RSPH10B2: variants seen among roughly 807,000 people sequenced by gnomAD.
RSPH10B2 encodes radial spoke head 10 homolog B2 (Chlamydomonas).
Under a neutral mutation model 49.0 loss-of-function variants are expected in RSPH10B2, and 9 were observed. The observed-to-expected ratio is 0.18, with a 90% CI of 0.11 to 0.32. The LOEUF (loss-of-function observed/expected upper bound fraction) is 0.32, where lower values mean the gene tolerates loss of function less well. RSPH10B2 is among the 10% of genes least tolerant of loss of function. The probability of loss-of-function intolerance (pLI) is 1.00; values close to 1 mark genes in which losing one functional copy is unlikely to be tolerated. For missense variants in RSPH10B2, 95 were observed against 589.9 expected, an observed-to-expected ratio of 0.16 and a Z score of 8.69; for synonymous variants, 35 against 210.2, an observed-to-expected ratio of 0.17 and a Z score of 7.21.
At chr7:6,776,947 C>T (rs1442017716) in intron 10 of RSPH10B2, among the ~76,000 whole-genome samples, 2 of 132,300 alleles carry the variant, frequency 1.5e-5, no homozygotes, top group Admixed American at 1.6e-4. Context: ...GGTCCCCAAC[C>T]CCCAGGCCAG....
Position 6,776,927 on chromosome 7 carries a change from A to AC in RSPH10B2, c.1414+381_1414+382insC, listed in dbSNP as rs770227917. On this transcript the variant is annotated intron_variant, in intron 10 of 18. Transcript: ENST00000297186. ...CACACACACACACACACACACACAC[A>AC]AAAGGCAGGGGTCCCCAACCCCCAG... Among the ~76,000 whole-genome samples, 273 of 128,696 alleles carry AC rather than the reference A, an allele frequency of 2.1e-3. 2 individuals are homozygous for AC. Among genetic ancestry groups the AC allele is most frequent in the Admixed American group, 4.3e-3 (53 of 12,396 alleles). 84.4% of individuals were successfully genotyped at this position (128,696 alleles called of 152,430 possible).
At chr7:6,786,178 CTTTT>C in intron 14 of RSPH10B2, 122 bp downstream of exon 16, 979 of 140,624 alleles carry the variant, frequency 7.0e-3, no homozygotes, top group East Asian at 0.015. Flanking sequence ...TTCACTGATG[CTTTT>C]TTTTTTTTTT....
chr7:6,785,467 C>T (rs1424494866), intron 13 of RSPH10B2, among the ~76,000 whole-genome samples: 1 of 152,262 alleles, frequency 6.6e-6, no homozygotes, highest in African/African-American at 2.4e-5. Context: ...TGTGAGCCAC[C>T]ATGTCTGGCC....
At chr7:6,757,827 G>T in exon 1 of RSPH10B2, 1 of 1,594,722 alleles carries the variant, frequency 6.3e-7, no homozygotes, top group Non-Finnish European at 8.5e-7. Flanking sequence ...TGCTGGGAAT[G>T]CAGCTCAACG....
rs1339379754 is a variant in RSPH10B2 at position 6,792,945 on chromosome 7, T to C, written c.2233+948T>C. ...CCATCACTGCACCTTGTATTTTTAG[T>C]AGATGGGGTTTCATGATGTTGGCCA... On this transcript the variant is annotated intron_variant, in intron 17 of 18. Transcript: ENST00000297186. Among the ~76,000 whole-genome samples, 2 of 113,880 alleles carry C rather than the reference T, an allele frequency of 1.8e-5. 1 individual carries two copies. The highest frequency in any genetic ancestry group is 7.1e-4 in the East Asian group (2 of 2,802). The allele number at this position is 113,880 out of a possible 152,430, so 74.7% of individuals were successfully genotyped here. A position where few individuals can be genotyped will look rare whatever the true frequency, so the allele number is the denominator to read the frequency against.
chr7:6,786,178 C>CTTTT lies in RSPH10B2; in HGVS notation c.1866+138_1866+141dup, dbSNP rs1266902018. On this transcript the variant is annotated intron_variant, in intron 14 of 18. Transcript: ENST00000297186. ...TTTTTCATTAGCCTTTTCACTGATG[C>CTTTT]TTTTTTTTTTTTTTTTTTTGGAGAC... is the stretch of plus-strand genomic sequence containing the variant. 1,025 of 141,608 alleles carry CTTTT rather than the reference C, an allele frequency of 7.2e-3. 2 individuals carry two copies. The highest frequency in any genetic ancestry group is 8.6e-3 in the Middle Eastern group (4 of 464). The allele number at this position is 141,608 out of a possible 1,614,324, so 8.8% of individuals were successfully genotyped here.
intron 9 of RSPH10B2, among the ~76,000 whole-genome samples, chr7:6,775,085 A>AT (rs1781732620): frequency 1.8e-5 from 2 of 111,626 alleles, no homozygotes; most frequent in African/African-American, 6.8e-5. Context: ...CGCCCGGCTA[A>AT]TTTTTTGTAT....
At chr7:6,764,294 G>A (rs1177534062) in intron 4 of RSPH10B2, among the ~76,000 whole-genome samples, 193 bp downstream of exon 6, 5 of 147,536 alleles carry the variant, frequency 3.4e-5, no homozygotes, top group East Asian at 4.1e-4. Context: ...GGCTAGCGGC[G>A]CTGTCCAGGG....
intron 18 of RSPH10B2, among the ~76,000 whole-genome samples, chr7:6,797,109 A>C (rs1434033676): frequency 7.0e-6 from 1 of 142,238 alleles, no homozygotes; most frequent in Non-Finnish European, 1.5e-5. Context: ...CCCGGGTTCA[A>C]GCGATTCTCT....
rs753598942 is a variant in RSPH10B2, at chr7:6,796,633, G to C, written c.2299G>C (p.Val767Leu). ...CAACACGTGGGTCAATAATACGTAC[G>C]TCTTCTTTGTGAACACGCTCTTTCA... Residue 767 changes from valine (V) to leucine (L), a missense_variant, in exon 18 of 19, where the codon GTC (valine) becomes CTC (leucine). Transcript: ENST00000297186. 10 of 1,207,044 alleles carry C rather than the reference G, an allele frequency of 8.3e-6. 1 individual carries two copies. The highest frequency in any genetic ancestry group is 1.1e-5 in the Non-Finnish European group (10 of 918,618). 74.8% of individuals were successfully genotyped at this position (1,207,044 alleles called of 1,614,324 possible).
chr7:6,795,887 A>G (rs1782533923), intron 17 of RSPH10B2, among the ~76,000 whole-genome samples: 1 of 148,596 alleles, frequency 6.7e-6, no homozygotes, highest in Non-Finnish European at 1.5e-5. Flanking sequence ...AGCCATGGTC[A>G]TGCCACTGCA....
chr7:6,770,701 C>T lies in RSPH10B2; in HGVS notation c.958-846C>T, dbSNP rs1252334821. 4.6e-5 allele frequency among the ~76,000 whole-genome samples: 7 copies of T among 150,688 alleles called. No homozygotes were observed. The South Asian group carries it at 8.4e-4, about 18-fold the overall frequency. On this transcript the variant is annotated intron_variant, in intron 7 of 18. Coordinates refer to ENST00000297186, the Ensembl canonical transcript of RSPH10B2. ...CGGATGGATCACGAGGTCAGGAGATCGAGACCATCCTGGCTAACATGGTGA... is the reference window on the plus strand; with the variant it reads ...CGGATGGATCACGAGGTCAGGAGATTGAGACCATCCTGGCTAACATGGTGA...
upstream of RSPH10B2, among the ~76,000 whole-genome samples, chr7:6,752,740 G>GA (rs1209191338): frequency 4.3e-5 from 3 of 70,184 alleles, no homozygotes; most frequent in Admixed American, 5.4e-4. Context: ...TTGAGTGAAG[G>GA]ATCTTTTTTT....
chr7:6,796,395 G>C (rs1782565204), intron 17 of RSPH10B2, among the ~76,000 whole-genome samples, 173 bp from the exon 20 acceptor site: 2 of 117,470 alleles, frequency 1.7e-5, no homozygotes, highest in South Asian at 8.1e-4. Flanking sequence ...AGGGTCTGCT[G>C]AGCCCCTGCC....
chr7:6,781,257 G>A (rs1191437321), intron 12 of RSPH10B2, 71 bp from the exon 15 acceptor site: 1 of 1,286,166 alleles, frequency 7.8e-7, no homozygotes, highest in East Asian at 2.9e-5. Flanking sequence ...AAAGCAATAG[G>A]ATTATATTTA....
intron 13 of RSPH10B2, among the ~76,000 whole-genome samples, chr7:6,782,312 G>A (rs1394013439): frequency 7.1e-6 from 1 of 141,564 alleles, no homozygotes; most frequent in East Asian, 2.3e-4. Context: ...TTGGGAGGCC[G>A]AGGCAGGAGG....
chr7:6,765,818 G>T (rs1264513143), intron 5 of RSPH10B2, 27 bp downstream of exon 7: 1 of 1,566,934 alleles, frequency 6.4e-7, no homozygotes, highest in Non-Finnish European at 8.6e-7. Flanking sequence ...CCGCGCTTGG[G>T]GTGTAGATGA....
chr7:6,793,490 ACTC>A (rs974781077), intron 17 of RSPH10B2, among the ~76,000 whole-genome samples: 2 of 112,310 alleles, frequency 1.8e-5, no homozygotes, highest in East Asian at 3.5e-4. Flanking sequence ...GTTTCCCGTT[ACTC>A]CTCCTCCAGT....
upstream of RSPH10B2, among the ~76,000 whole-genome samples, chr7:6,756,094 C>A (rs1208641195): frequency 2.7e-5 from 4 of 150,564 alleles, no homozygotes; most frequent in Non-Finnish European, 5.9e-5. Flanking sequence ...CGGTGAAACC[C>A]CGTCTCTACT....
Sources: allele counts gnomAD v4.1 joint callset (sites outside exome capture counted in the v4.1 genomes callset), GRCh38; gene constraint gnomAD v4.1.1; transcripts MANE v1.5; gene names NCBI Gene and HGNC (gene_info 2026-07-23, HGNC 2026-07-21).